The following FOXN3 variants were observed in gnomAD, a reference collection of about 807,000 sequenced individuals.
The protein encoded by FOXN3 is forkhead box N3.
Under a neutral mutation model 38.4 loss-of-function variants are expected in FOXN3, and 7 were observed. The observed-to-expected ratio is 0.18, with a 90% CI of 0.10 to 0.34. The LOEUF is 0.34. FOXN3 is among the 10% of genes least tolerant of loss of function. The pLI, the probability that FOXN3 is intolerant of heterozygous loss-of-function variation, is 1.00. For missense variants in FOXN3, 456 were observed against 613.4 expected (o/e 0.74, Z 2.71); for synonymous variants, 230 against 242.2 (o/e 0.95, Z 0.47).
At chr14:89,235,127 G>A (rs143156816) in intron 4 of FOXN3, among the ~76,000 whole-genome samples, 9 of 152,166 alleles carry the variant, frequency 5.9e-5, no homozygotes, top group African/African-American at 1.4e-4. Context: ...GCCCATAGGA[G>A]GTGACTGTAA....
At chr14:89,346,720 C>T (rs1226499443) in intron 3 of FOXN3, among the ~76,000 whole-genome samples, 9 of 152,200 alleles carry the variant, frequency 5.9e-5, no homozygotes, top group Non-Finnish European at 1.3e-4. Flanking sequence ...AGAAGTAGGT[C>T]ATTAAGTGCA....
intron 1 of FOXN3, among the ~76,000 whole-genome samples, chr14:89,453,914 G>A (rs1892669210): frequency 6.6e-6 from 1 of 152,190 alleles, no homozygotes; most frequent in African/African-American, 2.4e-5. Flanking sequence ...CCCAATGTGA[G>A]ATGATTTGGA....
intron 1 of FOXN3, among the ~76,000 whole-genome samples, chr14:89,589,635 G>A (rs1366546775): frequency 6.7e-6 from 1 of 148,512 alleles, no homozygotes; most frequent in Non-Finnish European, 1.5e-5. Context: ...TGTGAAGGCA[G>A]CCCAGGACTG....
chr14:89,252,253 T>C (rs55945113), intron 4 of FOXN3, among the ~76,000 whole-genome samples: 30,022 of 152,176 alleles, frequency 0.2, 3,002 homozygotes, highest in East Asian at 0.32. Context: ...ACTTTTAATA[T>C]GTGAGCTTTT....
chr14:89,211,128 G>A (rs1401142730), intron 4 of FOXN3, among the ~76,000 whole-genome samples: 1 of 152,136 alleles, frequency 6.6e-6, no homozygotes, highest in Non-Finnish European at 1.5e-5. Context: ...AATATACTGT[G>A]TCCCACCCAA....
At chr14:89,368,954 C>T (rs1044580374) in intron 2 of FOXN3, among the ~76,000 whole-genome samples, 1 of 152,184 alleles carries the variant, frequency 6.6e-6, no homozygotes, top group African/African-American at 2.4e-5. Context: ...AGATCCCTGG[C>T]TGAACAAACA....
intron 3 of FOXN3, among the ~76,000 whole-genome samples, chr14:89,306,437 G>A (rs1367295500): frequency 6.6e-6 from 1 of 151,568 alleles, no homozygotes; most frequent in Non-Finnish European, 1.5e-5. Context: ...GCACCATCTC[G>A]GTTCACTGCA....
chr14:89,363,944 TAA>T (rs1491177375), intron 2 of FOXN3, among the ~76,000 whole-genome samples: 1 of 84,738 alleles, frequency 1.2e-5, no homozygotes, highest in Non-Finnish European at 2.1e-5. Flanking sequence ...ACCCTGTCTG[TAA>T]AATATATATA....
At position 89,495,207 on chromosome 14, in the gene FOXN3, T is replaced by C. The variant is rs569496573; in HGVS notation, c.-14-82717A>G. On this transcript the variant is annotated intron_variant, in intron 1 of 6. Coordinates refer to the FOXN3 transcript ENST00000345097. ...GCCACGTTTTAGATTTGCATGCTGA[T>C]GTGTTTCACTTGAATACAATTTTCG... Among the ~76,000 whole-genome samples, 4 of 152,340 alleles carry C rather than the reference T, an allele frequency of 2.6e-5. No individual in the cohort carries two copies. The South Asian group carries it at 8.3e-4, about 32-fold the overall frequency.
intron 1 of FOXN3, among the ~76,000 whole-genome samples, chr14:89,456,197 A>C: frequency 1.1e-5 from 1 of 90,622 alleles, no homozygotes; most frequent in Non-Finnish European, 2.3e-5. Flanking sequence ...CAGTCTCCAA[A>C]AAAAAAAAAA....
intron 4 of FOXN3, among the ~76,000 whole-genome samples, chr14:89,251,653 G>A (rs1010245418): frequency 1.3e-5 from 2 of 152,136 alleles, no homozygotes; most frequent in Non-Finnish European, 2.9e-5. Context: ...AATTTAAAAT[G>A]TCTGTTTTCC....
intron 3 of FOXN3, among the ~76,000 whole-genome samples, chr14:89,328,134 C>T (rs1347299487): frequency 3.3e-5 from 5 of 152,256 alleles, no homozygotes; most frequent in African/African-American, 7.2e-5. Context: ...GAAAGCAAGT[C>T]TCATGTTACA....
At chr14:89,214,613 G>A (rs1332330053) in intron 4 of FOXN3, among the ~76,000 whole-genome samples, 1 of 152,200 alleles carries the variant, frequency 6.6e-6, no homozygotes, top group Non-Finnish European at 1.5e-5. Flanking sequence ...GGGAGAGATG[G>A]AAAGGACCCT....
At chr14:89,613,566 C>T (rs1896437782) in intron 1 of FOXN3, among the ~76,000 whole-genome samples, 1 of 152,180 alleles carries the variant, frequency 6.6e-6, no homozygotes, top group African/African-American at 2.4e-5. Flanking sequence ...TTACCACAGC[C>T]AACTATTTGG....
chr14:89,406,307 C>T (rs771148664), intron 2 of FOXN3, among the ~76,000 whole-genome samples: 3 of 151,988 alleles, frequency 2.0e-5, no homozygotes, highest in Non-Finnish European at 4.4e-5. Context: ...GTATTCTCAG[C>T]TACTTGGGAG....
At chr14:89,253,390 C>CGGTTCCA (rs1303926614) in intron 4 of FOXN3, among the ~76,000 whole-genome samples, 1 of 152,128 alleles carries the variant, frequency 6.6e-6, no homozygotes, top group Non-Finnish European at 1.5e-5. Context: ...GGTGGAGATT[C>CGGTTCCA]GGTTCCAGTT....
rs527994172 is a variant in FOXN3 at position 89,207,355 on chromosome 14, TA to T, written c.746-26550del. Among the ~76,000 whole-genome samples, 7 of 152,050 alleles carry T rather than the reference TA, an allele frequency of 4.6e-5. No individual in the cohort carries two copies. The East Asian group carries it at 1.4e-3, about 29-fold the overall frequency. On this transcript the variant is annotated intron_variant, in intron 4 of 5. Coordinates refer to ENST00000557258, the MANE Select transcript of FOXN3 (RefSeq NM_005197.4). Reference sequence around the variant, plus strand: ...CTAGATTAAAAAAAAAACAACTGGCTAAAAAATTATAAGCTTTTGGGGAAAT... The same window carrying T: ...CTAGATTAAAAAAAAAACAACTGGCTAAAAATTATAAGCTTTTGGGGAAAT...
intron 2 of FOXN3, among the ~76,000 whole-genome samples, chr14:89,371,782 C>T (rs936093365): frequency 6.6e-6 from 1 of 152,136 alleles, no homozygotes; most frequent in African/African-American, 2.4e-5. Context: ...CCCTGACTCC[C>T]TCTGTGCTGG....
chr14:89,164,575 G>T lies in FOXN3; in HGVS notation c.852-1606C>A, dbSNP rs1469454538. 6.6e-6 allele frequency among the ~76,000 whole-genome samples: 1 copy of T among 152,192 alleles called. No individual in the cohort carries two copies. The highest frequency in any genetic ancestry group is 1.5e-5 in the Non-Finnish European group (1 of 68,028). ...CTCCATGAGACAGGGTGTGGTTACTGCTAGGCCCCCAGTGGCTATCGCCGT... is the reference window on the plus strand; with the variant it reads ...CTCCATGAGACAGGGTGTGGTTACTTCTAGGCCCCCAGTGGCTATCGCCGT... On this transcript the variant is annotated intron_variant, in intron 5 of 5. Transcript: ENST00000557258. This position sits in a 1 kb window ranked among gnomAD's most constrained non-coding sequence, Gnocchi z 4.3.
Sources: allele counts gnomAD v4.1 joint callset (sites outside exome capture counted in the v4.1 genomes callset), GRCh38; gene constraint gnomAD v4.1.1; non-coding constraint Gnocchi (gnomAD v3.1); transcripts MANE v1.5; gene names NCBI Gene and HGNC (gene_info 2026-07-23, HGNC 2026-07-21).